The following NEMF variants were observed in gnomAD, a reference collection of about 807,000 sequenced individuals.
The protein encoded by NEMF is nuclear export mediator factor, also known as ribosome quality control complex subunit NEMF.
Under a neutral mutation model 162.2 loss-of-function variants are expected in NEMF, and 89 were observed. The ratio of observed to expected loss-of-function variants is 0.55; its 90% CI spans 0.46 to 0.65. NEMF has a LOEUF of 0.65. NEMF is among the 30% of genes least tolerant of loss of function. The probability of loss-of-function intolerance (pLI) is 0.00; values close to 1 mark genes in which losing one functional copy is unlikely to be tolerated. For missense variants in NEMF, 1,133 were observed against 1,261.9 expected (o/e 0.90, Z 1.55); for synonymous variants, 421 against 404.5 (o/e 1.04, Z -0.49).
intron 18 of NEMF, among the ~76,000 whole-genome samples, chr14:49,811,499 C>G (rs1674179433): frequency 6.6e-6 from 1 of 152,096 alleles, no homozygotes; most frequent in Non-Finnish European, 1.5e-5. Flanking sequence ...ATGGCAAGAA[C>G]AGACATATTT....
chr14:49,802,911 G>A (rs1451077040), intron 20 of NEMF, among the ~76,000 whole-genome samples, 184 bp from the exon 21 acceptor site: 1 of 152,130 alleles, frequency 6.6e-6, no homozygotes, highest in South Asian at 2.1e-4. Context: ...TTATTAAGAA[G>A]TAAAAAATAT....
chr14:49,832,864 A>T (rs1334878879), intron 8 of NEMF, among the ~76,000 whole-genome samples: 1 of 152,224 alleles, frequency 6.6e-6, no homozygotes, highest in Non-Finnish European at 1.5e-5. Flanking sequence ...CTAAAGAAAT[A>T]ACTGTAAATT....
At chr14:49,786,405 ATTAATAT>A in intron 29 of NEMF, 1 of 297,858 alleles carries the variant, frequency 3.4e-6, no homozygotes, top group Non-Finnish European at 6.2e-6. Flanking sequence ...CTGAAGTATA[ATTAATAT>A]TTGAGTGTTT....
intron 16 of NEMF, among the ~76,000 whole-genome samples, chr14:49,824,544 CAAAAAAA>C (rs34629301): frequency 8.4e-6 from 1 of 118,960 alleles, no homozygotes; most frequent in African/African-American, 3.2e-5. Flanking sequence ...AATTCCGTCT[CAAAAAAA>C]AAAAAAAAAA....
At chr14:49,796,383 G>T (rs1395119001) in intron 25 of NEMF, 2 of 431,706 alleles carry the variant, frequency 4.6e-6, no homozygotes, top group East Asian at 1.4e-4. Flanking sequence ...TTATTACTGT[G>T]GTATTCTTCT....
At chr14:49,815,011 T>C (rs889963136) in intron 16 of NEMF, among the ~76,000 whole-genome samples, 154 bp from the exon 17 acceptor site, 3 of 152,196 alleles carry the variant, frequency 2.0e-5, no homozygotes, top group Admixed American at 6.5e-5. Context: ...AAACCTATAA[T>C]ACAAATTGCC....
intron 28 of NEMF, among the ~76,000 whole-genome samples, chr14:49,787,659 T>C (rs1335756927): frequency 6.6e-6 from 1 of 152,196 alleles, no homozygotes; most frequent in Non-Finnish European, 1.5e-5. Flanking sequence ...TAGGTTCCCA[T>C]ATATGAATTG....
chr14:49,826,065 TACAC>T (rs147058569), intron 15 of NEMF, 110 bp from the exon 16 acceptor site: 7 of 626,854 alleles, frequency 1.1e-5, no homozygotes, highest in Non-Finnish European at 1.4e-5. Context: ...TGGCACAATC[TACAC>T]ACACACACAC....
intron 16 of NEMF, among the ~76,000 whole-genome samples, chr14:49,817,087 A>T (rs890596508): frequency 5.3e-4 from 80 of 152,336 alleles, no homozygotes; most frequent in African/African-American, 1.9e-3. Context: ...CTGGAAAACA[A>T]TGACAATGAT....
rs762464286 is a variant in NEMF at position 49,829,040 on chromosome 14, A to C, written c.1232+14T>G. ...AAGACAAGCATTAACTGCTTGACTA[A>C]GAGTCAAACTTACCTTAGCAGCATT... On this transcript the variant is annotated intron_variant, in intron 13 of 32. Transcript: ENST00000298310. 6.2e-7 allele frequency: 1 copy of C among 1,603,400 alleles called. No individual in the cohort carries two copies. The highest frequency in any genetic ancestry group is 2.2e-5 in the East Asian group (1 of 44,800).
At chr14:49,809,067 T>A (rs1465548380) in intron 18 of NEMF, among the ~76,000 whole-genome samples, 1 of 152,134 alleles carries the variant, frequency 6.6e-6, no homozygotes, top group Admixed American at 6.5e-5. Context: ...GGAACTCCCA[T>A]TGCTGGTGGT....
rs1031344212 is a variant in NEMF, at chr14:49,782,659, C to A, written c.*1977G>T. On this transcript the variant is annotated 3_prime_UTR_variant, in exon 33 of 33. Coordinates refer to ENST00000298310, the MANE Select transcript of NEMF (RefSeq NM_004713.6). ...TGTGTTTCCTAAGACTTAGCACTCT[C>A]GAAAAACTAGGTTTATGGATTATTT... is the stretch of plus-strand genomic sequence containing the variant. The A allele has an allele frequency of 2.1e-6, 3 of 1,409,122 alleles. No homozygotes were observed. Among genetic ancestry groups the A allele is most frequent in the Admixed American group, 2.2e-5 (1 of 45,848 alleles). The allele number at this position is 1,409,122 out of a possible 1,614,324, so 87.3% of individuals were successfully genotyped here. A position where few individuals can be genotyped will look rare whatever the true frequency, so the allele number is the denominator to read the frequency against.
Position 49,829,085 on chromosome 14 carries a change from GT to G in NEMF, c.1200del (p.Lys400AsnfsTer11). ...AGCATTGTAACATGGTTTGTTTGTAGTTTTAATTCTTTGATTGCACTTGCAA... is the reference window on the plus strand; with the variant it reads ...AGCATTGTAACATGGTTTGTTTGTAGTTTAATTCTTTGATTGCACTTGCAA... ...DPVASAIKELKLQTNHVTMLL... is the reference protein window; with the variant it reads ...DPVASAIKELXLQTNHVTMLL... On this transcript the variant is annotated frameshift_variant, in exon 13 of 33. Transcript: ENST00000298310. LOFTEE classifies it high-confidence loss of function. The G allele has an allele frequency of 1.2e-6, 2 of 1,614,134 alleles. No individual in the cohort carries two copies. The highest frequency in any genetic ancestry group is 1.7e-6 in the Non-Finnish European group (2 of 1,179,986).
chr14:49,815,380 G>C (rs1345737396), intron 16 of NEMF, among the ~76,000 whole-genome samples: 2 of 152,094 alleles, frequency 1.3e-5, no homozygotes. Flanking sequence ...GGGTTTTCAT[G>C]ATTAATACCT....
chr14:49,852,619 G>T, intron 1 of NEMF, 76 bp downstream of exon 1: 1 of 1,481,120 alleles, frequency 6.8e-7, no homozygotes, highest in Non-Finnish European at 9.4e-7. Context: ...TATCAAGCTG[G>T]TCTGTTTGCG....
In NEMF at chr14:49,800,404, T is replaced by G; in HGVS notation, c.2372+16A>C. ...CAGCTTACACAATAATATGTAAAAT[T>G]TTATTTTTTAATTACCTTTGGGGTT... is the stretch of plus-strand genomic sequence containing the variant. On this transcript the variant is annotated intron_variant, in intron 23 of 32. Transcript: ENST00000298310. 6.4e-7 allele frequency: 1 copy of G among 1,556,170 alleles called. No homozygotes were observed. The highest frequency in any genetic ancestry group is 8.7e-7 in the Non-Finnish European group (1 of 1,147,742).
intron 18 of NEMF, among the ~76,000 whole-genome samples, chr14:49,809,327 T>C (rs181071574): frequency 6.6e-6 from 1 of 152,218 alleles, no homozygotes; most frequent in African/African-American, 2.4e-5. Flanking sequence ...TGAATATTAT[T>C]CAGGGATAAA....
Position 49,782,523 on chromosome 14 carries a change from CT to C in NEMF, c.*2112del. ...CAAAGCATTTGCTTTTAAATGTGTT[CT>C]TCCTATTTATTTTTCAGGCACACAG... On this transcript the variant is annotated 3_prime_UTR_variant, in exon 33 of 33. Transcript: ENST00000298310. 1 of 1,602,446 alleles carries C rather than the reference CT, an allele frequency of 6.2e-7. No homozygotes were observed. Among genetic ancestry groups the C allele is most frequent in the Non-Finnish European group, 8.5e-7 (1 of 1,171,654 alleles).
rs1389991404 is a variant in NEMF at position 49,851,581 on chromosome 14, C to T, written c.213G>A (p.Pro71=). The T allele has an allele frequency of 1.3e-5, 21 of 1,611,558 alleles. No homozygotes were observed. Among genetic ancestry groups the T allele is most frequent in the East Asian group, 6.7e-5 (3 of 44,848 alleles). The change falls in exon 3 of 33, where the codon CCG becomes CCA. Residue 71 remains proline (P), a synonymous_variant. Coordinates refer to ENST00000298310, the MANE Select transcript of NEMF (RefSeq NM_004713.6). ...TEFEWPKNMM[P]SSFAMKCRKH... is the part of the protein sequence containing the mutation. ...AGTTTACCTTCATGGCAAAACTAGA[C>T]GGCATCATATTCTTAGGCCACTCAA...
Sources: gnomAD v4.1 joint callset for allele counts (sites outside exome capture counted in the v4.1 genomes callset) on GRCh38, gnomAD v4.1.1 for gene constraint, MANE v1.5 for transcripts, NCBI Gene and HGNC (gene_info 2026-07-23, HGNC 2026-07-21) for gene names.